The following RASA1 variants were observed in gnomAD, a reference collection of about 807,000 sequenced individuals.
RASA1 encodes RAS p21 protein activator 1.
A neutral mutation model predicts 132.2 loss-of-function variants in RASA1; 25 were observed. The ratio of observed to expected loss-of-function variants is 0.19; its 90% CI spans 0.14 to 0.26. The LOEUF (loss-of-function observed/expected upper bound fraction) is 0.26. RASA1 is among the 10% of genes least tolerant of loss of function. The probability of loss-of-function intolerance (pLI) is 1.00; values close to 1 mark genes in which losing one functional copy is unlikely to be tolerated. For missense variants in RASA1, 964 were observed against 1,299.2 expected, an observed-to-expected ratio of 0.74 and a Z score of 3.97; for synonymous variants, 477 against 449.9, an observed-to-expected ratio of 1.06 and a Z score of -0.76.
At chr5:87,385,155 C>A (rs1201665814) in intron 21 of RASA1, 146 bp from the exon 22 acceptor site, 5 of 671,926 alleles carry the variant, frequency 7.4e-6, no homozygotes, top group Non-Finnish European at 1.3e-5. Context: ...TTTCAAAAAA[C>A]ATTTTTCCAA....
chr5:87,294,612 C>G (rs1193335823), intron 1 of RASA1: 1 of 152,172 alleles, frequency 6.6e-6, no homozygotes, highest in East Asian at 1.9e-4. Flanking sequence ...TAAAATTGCT[C>G]TTCACATTTC....
At chr5:87,350,539 ACTTC>A (rs1382990570) in intron 8 of RASA1, among the ~76,000 whole-genome samples, 1 of 151,744 alleles carries the variant, frequency 6.6e-6, no homozygotes, top group Non-Finnish European at 1.5e-5. Context: ...ACTAACTTAA[ACTTC>A]CTTATGATAC....
At chr5:87,328,970 T>G (rs982261311) in intron 1 of RASA1, among the ~76,000 whole-genome samples, 1 of 63,048 alleles carries the variant, frequency 1.6e-5, no homozygotes, top group Non-Finnish European at 4.2e-5. Context: ...GCTGGATAAT[T>G]TAATTGCAGT....
At position 87,268,307 on chromosome 5, in the gene RASA1, G is replaced by C. The variant is rs2112221650; in HGVS notation, c.-145G>C. 2 of 1,158,236 alleles carry C rather than the reference G, an allele frequency of 1.7e-6. No homozygotes were observed. The highest frequency in any genetic ancestry group is 5.9e-5 in the Admixed American group (2 of 33,888). 71.7% of individuals were successfully genotyped at this position (1,158,236 alleles called of 1,614,324 possible). A position where few individuals can be genotyped will look rare whatever the true frequency, so the allele number is the denominator to read the frequency against. On this transcript the variant is annotated 5_prime_UTR_variant, in exon 1 of 25. Coordinates refer to ENST00000274376, the MANE Select transcript of RASA1 (RefSeq NM_002890.3). The stretch of plus-strand genomic sequence containing the variant: ...TGTGGCCCTAGGAGGGGGCGCGGCG[G>C]CGGGCTCTCTCCTTTTGTTGTTGTT...
intron 23 of RASA1, among the ~76,000 whole-genome samples, chr5:87,388,362 A>T (rs1762213658): frequency 6.6e-6 from 1 of 152,212 alleles, no homozygotes; most frequent in South Asian, 2.1e-4. Flanking sequence ...CAAGGCTTAA[A>T]ATAACACTGG....
In RASA1 at chr5:87,268,606, T is replaced by A; in HGVS notation, c.155T>A (p.Leu52Gln). Reference sequence around the variant, plus strand: ...GTGGCAGCCGCCCCCTATCCTGGGCTGGTGGAGACCGGAGTGGCTGGAACT... The same window carrying A: ...GTGGCAGCCGCCCCCTATCCTGGGCAGGTGGAGACCGGAGTGGCTGGAACT... ...LPVAAAPYPG[L>Q]VETGVAGTLG... Residue 52 changes from leucine to glutamine, a missense_variant, in exon 1 of 25, where the codon CTG becomes CAG. Transcript: ENST00000274376. 1 of 1,611,944 alleles carries A rather than the reference T, an allele frequency of 6.2e-7. No homozygotes were observed. The highest frequency in any genetic ancestry group is 8.5e-7 in the Non-Finnish European group (1 of 1,179,446).
At chr5:87,341,680 C>T (rs1393594725) in intron 6 of RASA1, among the ~76,000 whole-genome samples, 1 of 151,952 alleles carries the variant, frequency 6.6e-6, no homozygotes, top group African/African-American at 2.4e-5. Flanking sequence ...TTTATCCCCC[C>T]AAAATAACGG....
At chr5:87,299,028 A>G (rs1755239765) in intron 1 of RASA1, among the ~76,000 whole-genome samples, 1 of 152,210 alleles carries the variant, frequency 6.6e-6, no homozygotes, top group South Asian at 2.1e-4. Context: ...GTGTTCCATT[A>G]ATGGAACGCT....
intron 1 of RASA1, among the ~76,000 whole-genome samples, chr5:87,314,676 A>G (rs1756186029): frequency 6.6e-6 from 1 of 152,160 alleles, no homozygotes; most frequent in Non-Finnish European, 1.5e-5. Flanking sequence ...GCAAGTAAAG[A>G]TGAGAAACAG....
chr5:87,342,168 T>C (rs1467640774), intron 6 of RASA1, among the ~76,000 whole-genome samples: 4 of 151,512 alleles, frequency 2.6e-5, no homozygotes, highest in African/African-American at 4.8e-5. Context: ...TTTTCTTTTT[T>C]TTTTTTTTTG....
chr5:87,367,048 AAAC>A (rs1184754335), intron 11 of RASA1, among the ~76,000 whole-genome samples: 3 of 152,200 alleles, frequency 2.0e-5, no homozygotes, highest in Non-Finnish European at 4.4e-5. Flanking sequence ...ACTAAACCAA[AAAC>A]AACAACAAAA....
intron 12 of RASA1, 63 bp from the exon 13 acceptor site, chr5:87,372,055 C>A: frequency 6.7e-6 from 9 of 1,350,514 alleles, no homozygotes; most frequent in African/African-American, 1.5e-5. Context: ...AAAAACCTAA[C>A]TGATGATTTG....
At chr5:87,371,478 T>G (rs1760935589) in intron 12 of RASA1, among the ~76,000 whole-genome samples, 1 of 152,172 alleles carries the variant, frequency 6.6e-6, no homozygotes, top group Non-Finnish European at 1.5e-5. Context: ...TAAACCTTAG[T>G]TCTCTCCTTT....
At chr5:87,373,675 G>A (rs959134597) in intron 13 of RASA1, among the ~76,000 whole-genome samples, 1 of 152,052 alleles carries the variant, frequency 6.6e-6, no homozygotes, top group African/African-American at 2.4e-5. Context: ...GTTTCTTTAG[G>A]TTTGTATCCT....
intron 1 of RASA1, among the ~76,000 whole-genome samples, chr5:87,329,281 C>CAAAAAAAAAAAAAAAA (rs571157213): frequency 1.7e-5 from 2 of 119,168 alleles, no homozygotes; most frequent in East Asian, 2.4e-4. Context: ...TCTGTCTCTC[C>CAAAAAAAAAAAAAAAA]AAAAAAAAAA....
intron 5 of RASA1, 142 bp downstream of exon 5, chr5:87,338,233 G>T (rs890825963): frequency 1.5e-6 from 2 of 1,326,448 alleles, no homozygotes; most frequent in African/African-American, 3.0e-5. Flanking sequence ...TATAAGTGCT[G>T]TTTGTTAGTA....
chr5:87,386,943 A>T, intron 23 of RASA1, 40 bp downstream of exon 23: 1 of 1,501,700 alleles, frequency 6.7e-7, no homozygotes, highest in Non-Finnish European at 9.3e-7. Flanking sequence ...TAAGACTTCT[A>T]GTTGATATAG....
chr5:87,288,119 C>CATATATATACCATATATATACACACCAT (rs1252243166), intron 1 of RASA1, among the ~76,000 whole-genome samples: 1 of 127,386 alleles, frequency 7.9e-6, no homozygotes, highest in Non-Finnish European at 1.6e-5. Flanking sequence ...ATACACACAC[C>CATATATATACCATATATATACACACCAT]ATATATATAC....
chr5:87,374,046 AAAAG>A, intron 13 of RASA1, 113 bp from the exon 14 acceptor site: 1 of 935,560 alleles, frequency 1.1e-6, no homozygotes, highest in African/African-American at 1.7e-5. Context: ...TTTCTGAAAA[AAAAG>A]GGGAAAATAA....
Sources: allele counts gnomAD v4.1 joint callset (sites outside exome capture counted in the v4.1 genomes callset), GRCh38; gene constraint gnomAD v4.1.1; transcripts MANE v1.5; gene names NCBI Gene and HGNC (gene_info 2026-07-23, HGNC 2026-07-21).